Variants in FHIT observed in about 807,000 individuals in gnomAD.
The protein encoded by FHIT is fragile histidine triad diadenosine triphosphatase.
FHIT carries 19 observed loss-of-function variants against 17.9 expected under a neutral mutation model. The ratio of observed to expected loss-of-function variants is 1.06; its 90% CI spans 0.74 to 1.56. FHIT has a LOEUF of 1.56. FHIT is among the 40% of genes most tolerant of loss of function. The pLI is 0.00. For synonymous variants in FHIT, 81 were observed against 69.7 expected (o/e 1.16, Z -0.81); for missense variants, 248 against 189.2 (o/e 1.31, Z -1.82).
intron 5 of FHIT, among the ~76,000 whole-genome samples, chr3:60,448,869 C>G (rs951915055): frequency 6.6e-6 from 1 of 152,102 alleles, no homozygotes; most frequent in Non-Finnish European, 1.5e-5. Context: ...CTAAGTCTTG[C>G]CAGGAAGCTC....
intron 3 of FHIT, among the ~76,000 whole-genome samples, chr3:60,963,851 C>T (rs1709581908): frequency 2.0e-5 from 3 of 152,116 alleles, no homozygotes; most frequent in Admixed American, 2.0e-4. Flanking sequence ...TTACTTCCGA[C>T]TATGTGGTCA....
chr3:60,590,558 A>C (rs1431736316), intron 4 of FHIT, among the ~76,000 whole-genome samples: 1 of 152,174 alleles, frequency 6.6e-6, no homozygotes, highest in Admixed American at 6.6e-5. Context: ...ATCCAAAACC[A>C]TTAATGAGTT....
At chr3:61,213,468 T>A (rs982656018) in intron 1 of FHIT, among the ~76,000 whole-genome samples, 2 of 152,200 alleles carry the variant, frequency 1.3e-5, no homozygotes, top group Non-Finnish European at 2.9e-5. Context: ...ATCCTAAATA[T>A]ATATGCATCC....
chr3:60,940,893 G>C (rs1708381733), intron 3 of FHIT, among the ~76,000 whole-genome samples: 1 of 152,154 alleles, frequency 6.6e-6, no homozygotes, highest in South Asian at 2.1e-4. Flanking sequence ...TTTAGTGGTA[G>C]TGTCAAACTG....
chr3:59,751,597 G>GAGTCA (rs369108008), intron 9 of FHIT: 12 of 123,628 alleles, frequency 9.7e-5, no homozygotes, highest in Non-Finnish European at 1.7e-4. Flanking sequence ...CTTTCTACCA[G>GAGTCA]AGTCTTAAAC....
chr3:60,173,485 G>C (rs1701508823), intron 5 of FHIT, among the ~76,000 whole-genome samples: 2 of 151,936 alleles, frequency 1.3e-5, no homozygotes. Flanking sequence ...TTATTTCAGA[G>C]AAAAAAAGTA....
intron 3 of FHIT, among the ~76,000 whole-genome samples, chr3:60,869,830 G>T (rs1704327637): frequency 6.6e-6 from 1 of 152,040 alleles, no homozygotes; most frequent in South Asian, 2.1e-4. Context: ...CCCTTTATAG[G>T]AATTGACATG....
intron 5 of FHIT, among the ~76,000 whole-genome samples, chr3:60,396,774 T>C (rs1701457852): frequency 6.6e-6 from 1 of 152,218 alleles, no homozygotes; most frequent in Non-Finnish European, 1.5e-5. Flanking sequence ...TCACTTAAAA[T>C]GATTAATTTT....
At chr3:60,145,932 G>A (rs1207915587) in intron 5 of FHIT, among the ~76,000 whole-genome samples, 1 of 152,050 alleles carries the variant, frequency 6.6e-6, no homozygotes, top group Admixed American at 6.6e-5. Flanking sequence ...ACCATCAAAA[G>A]TTCTAGAAAT....
chr3:60,525,443 CT>C (rs903558179), intron 5 of FHIT, among the ~76,000 whole-genome samples: 10 of 151,890 alleles, frequency 6.6e-5, no homozygotes, highest in Non-Finnish European at 1.0e-4. Context: ...CTGACAACCC[CT>C]TTTTTTTAAG....
intron 7 of FHIT, among the ~76,000 whole-genome samples, chr3:59,939,210 A>T (rs1044055005): frequency 6.6e-6 from 1 of 152,174 alleles, no homozygotes; most frequent in Non-Finnish European, 1.5e-5. Flanking sequence ...TTTCTGGGTG[A>T]TATCAGTGAT....
intron 7 of FHIT, among the ~76,000 whole-genome samples, chr3:59,953,775 G>C (rs1707247929): frequency 6.6e-6 from 1 of 152,156 alleles, no homozygotes; most frequent in Admixed American, 6.5e-5. Context: ...GAATCATTCT[G>C]GGTCAAGCAC....
In FHIT at chr3:61,000,829, A is replaced by G. The variant is rs183482552; in HGVS notation, c.-111+41218T>C. 4.7e-4 allele frequency among the ~76,000 whole-genome samples: 72 copies of G among 152,328 alleles called. 1 individual carries two copies. Among genetic ancestry groups the G allele is most frequent in the Admixed American group, 4.7e-3 (72 of 15,302 alleles). ...CAGTAAAGAAGTCCAGTAGAGACCTAGTGGGGAAGCCCCAGCCCCAGCCCC... is the reference window on the plus strand; with the variant it reads ...CAGTAAAGAAGTCCAGTAGAGACCTGGTGGGGAAGCCCCAGCCCCAGCCCC... On this transcript the variant is annotated intron_variant, in intron 3 of 9. Coordinates refer to ENST00000492590, the MANE Select transcript of FHIT (RefSeq NM_002012.4).
chr3:60,121,475 C>G (rs915254325), intron 5 of FHIT, among the ~76,000 whole-genome samples: 2 of 151,986 alleles, frequency 1.3e-5, no homozygotes, highest in Admixed American at 6.6e-5. Flanking sequence ...CATTTGAGGT[C>G]AGGAATTTGA....
chr3:60,260,216 G>T lies in FHIT; in HGVS notation c.104-246064C>A, dbSNP rs76442419. On this transcript the variant is annotated intron_variant, in intron 5 of 9. Transcript: ENST00000492590. ...GTTCTAAGGGCCGTAGAGGGTGTAG[G>T]AGGTTGGTTCACACTTCAGGGTGTA... Among the ~76,000 whole-genome samples the T allele has an allele frequency of 3.9e-3, 586 of 152,100 alleles. 4 individuals are homozygous for T. Among genetic ancestry groups the T allele is most frequent in the African/African-American group, 0.013 (554 of 41,530 alleles).
rs1021329854 is a variant in FHIT, at chr3:59,883,016, G to A, written c.348+39330C>T. On this transcript the variant is annotated intron_variant, in intron 8 of 9. Coordinates refer to ENST00000492590, the MANE Select transcript of FHIT (RefSeq NM_002012.4). Reference sequence around the variant, plus strand: ...AACCTCCATTCTTTCCAAATTTTCCGGGTCTCCTGCTTATTTCAGGACCCA... The same window carrying A: ...AACCTCCATTCTTTCCAAATTTTCCAGGTCTCCTGCTTATTTCAGGACCCA... Among the ~76,000 whole-genome samples the A allele has an allele frequency of 2.6e-5, 4 of 152,078 alleles. No individual in the cohort carries two copies. The East Asian group carries it at 5.8e-4, about 22-fold the overall frequency.
chr3:60,252,314 CG>C (rs1705751325), intron 5 of FHIT, among the ~76,000 whole-genome samples: 1 of 151,014 alleles, frequency 6.6e-6, no homozygotes. Flanking sequence ...GAAACCAAAG[CG>C]GGAAAATTGC....
intron 5 of FHIT, among the ~76,000 whole-genome samples, chr3:60,083,314 TTGTC>T (rs1488019409): frequency 1.3e-5 from 2 of 152,066 alleles, no homozygotes; most frequent in Non-Finnish European, 2.9e-5. Context: ...CCATTGGTCT[TTGTC>T]TGTTTTCACG....
At chr3:60,232,932 A>T (rs1253308078) in intron 5 of FHIT, among the ~76,000 whole-genome samples, 1 of 152,208 alleles carries the variant, frequency 6.6e-6, no homozygotes, top group Non-Finnish European at 1.5e-5. Context: ...AGTGATAATG[A>T]TACTATGGCT....
Sources: allele counts gnomAD v4.1 joint callset (sites outside exome capture counted in the v4.1 genomes callset), GRCh38; gene constraint gnomAD v4.1.1; transcripts MANE v1.5; gene names NCBI Gene and HGNC (gene_info 2026-07-23, HGNC 2026-07-21).